USP32: variants seen among roughly 807,000 people sequenced by gnomAD.
USP32 encodes the protein ubiquitin carboxyl-terminal hydrolase 32.
In USP32, 59 loss-of-function variants were observed where a neutral mutation model predicts 204.8. That is an observed-to-expected ratio of 0.29 (90% CI 0.23 to 0.36). The LOEUF is 0.36. Ranked by LOEUF, USP32 falls within the 10% of genes least tolerant of loss-of-function variation. The pLI, the probability that USP32 is intolerant of heterozygous loss-of-function variation, is 1.00. For missense variants in USP32, 1,160 were observed against 1,946.4 expected (o/e 0.60, Z 7.60); for synonymous variants, 517 against 678.4 (o/e 0.76, Z 3.70).
intron 12 of USP32, among the ~76,000 whole-genome samples, chr17:60,230,247 T>G (rs541676254): frequency 4.3e-4 from 65 of 152,380 alleles, no homozygotes; most frequent in African/African-American, 1.5e-3. Context: ...TTTGGAATTG[T>G]ATCTTAAATG....
At chr17:60,205,086 C>A (rs1161824300) in intron 26 of USP32, among the ~76,000 whole-genome samples, 1 of 152,042 alleles carries the variant, frequency 6.6e-6, no homozygotes, top group African/African-American at 2.4e-5. Context: ...AGCCACTGCA[C>A]CCGGCCAGGA....
chr17:60,221,082 C>T (rs1358956951), intron 15 of USP32, among the ~76,000 whole-genome samples: 1 of 150,296 alleles, frequency 6.7e-6, no homozygotes, highest in African/African-American at 2.4e-5. Flanking sequence ...CAAGAGGGAG[C>T]AATAAAAATC....
At chr17:60,352,150 G>A (rs2088964889) in intron 1 of USP32, among the ~76,000 whole-genome samples, 1 of 152,170 alleles carries the variant, frequency 6.6e-6, no homozygotes. Context: ...TTAGCTAAAT[G>A]ACTATATTTT....
At chr17:60,270,965 A>G (rs1261117359) in intron 6 of USP32, among the ~76,000 whole-genome samples, 1 of 152,194 alleles carries the variant, frequency 6.6e-6, no homozygotes, top group Non-Finnish European at 1.5e-5. Context: ...GAAAAAAAGT[A>G]GAGGCACCCT....
chr17:60,419,330 G>A (rs2090086827), intron 1 of USP32, among the ~76,000 whole-genome samples: 1 of 152,166 alleles, frequency 6.6e-6, no homozygotes, highest in Non-Finnish European at 1.5e-5. Context: ...ACATGAACAC[G>A]TAGAGGGGAA....
chr17:60,193,718 G>C (rs1214340292), intron 27 of USP32, among the ~76,000 whole-genome samples: 1 of 152,174 alleles, frequency 6.6e-6, no homozygotes, highest in Admixed American at 6.5e-5. Context: ...ACTGACAGTG[G>C]TTATTACATG....
intron 1 of USP32, among the ~76,000 whole-genome samples, 174 bp downstream of exon 1, chr17:60,391,708 C>T (rs764079032): frequency 6.6e-6 from 1 of 152,110 alleles, no homozygotes; most frequent in African/African-American, 2.4e-5. Flanking sequence ...AATTCCCAAA[C>T]GCTGCTTCCC....
chr17:60,284,201 G>T (rs112054536), intron 5 of USP32, among the ~76,000 whole-genome samples: 1 of 149,400 alleles, frequency 6.7e-6, no homozygotes, highest in Non-Finnish European at 1.5e-5. Flanking sequence ...AATAATTCAA[G>T]ATTTTTTCTT....
chr17:60,199,478 T>G (rs1353986190), intron 26 of USP32, among the ~76,000 whole-genome samples: 2 of 152,134 alleles, frequency 1.3e-5, no homozygotes, highest in African/African-American at 4.8e-5. Context: ...AATGGAATGG[T>G]TGGTGGGAGT....
At chr17:60,196,433 C>T (rs2084519718) in intron 27 of USP32, among the ~76,000 whole-genome samples, 1 of 152,208 alleles carries the variant, frequency 6.6e-6, no homozygotes. Flanking sequence ...TTACTAAACA[C>T]AACATTCATT....
At chr17:60,318,247 A>G (rs2088030431) in intron 2 of USP32, among the ~76,000 whole-genome samples, 1 of 152,230 alleles carries the variant, frequency 6.6e-6, no homozygotes, top group South Asian at 2.1e-4. Context: ...AACTCAGCAT[A>G]TATAAAGATA....
At chr17:60,302,109 G>A (rs866973582) in intron 2 of USP32, among the ~76,000 whole-genome samples, 1,785 of 130,360 alleles carry the variant, frequency 0.014, 29 homozygotes, top group African/African-American at 0.043. Context: ...TAAATATTTT[G>A]TTTGTTTATT....
intron 1 of USP32, among the ~76,000 whole-genome samples, chr17:60,413,152 G>A (rs555665946): frequency 6.6e-6 from 1 of 152,298 alleles, no homozygotes; most frequent in South Asian, 2.1e-4. Flanking sequence ...AAACTATTTT[G>A]GGAGAAGCAG....
intron 9 of USP32, among the ~76,000 whole-genome samples, chr17:60,259,148 T>A (rs1488796323): frequency 2.6e-5 from 4 of 152,164 alleles, no homozygotes; most frequent in Non-Finnish European, 5.9e-5. Flanking sequence ...TTAGCTCCCT[T>A]TACACATTTT....
intron 7 of USP32, among the ~76,000 whole-genome samples, chr17:60,266,337 A>C (rs911937991): frequency 6.6e-6 from 1 of 152,188 alleles, no homozygotes; most frequent in Admixed American, 6.5e-5. Flanking sequence ...CCTTCAGCCA[A>C]ATCTAAAGCT....
intron 1 of USP32, among the ~76,000 whole-genome samples, chr17:60,359,991 C>A (rs957347679): frequency 7.2e-5 from 11 of 151,944 alleles, no homozygotes. Flanking sequence ...CCTCAGCCCC[C>A]CGAGTAGCTG....
At chr17:60,320,845 A>G (rs969622789) in intron 2 of USP32, among the ~76,000 whole-genome samples, 7 of 152,210 alleles carry the variant, frequency 4.6e-5, no homozygotes, top group Non-Finnish European at 7.3e-5. Context: ...CAAATGTCAC[A>G]TGCAGGTTCC....
At chr17:60,310,951 A>G (rs986719555) in intron 2 of USP32, among the ~76,000 whole-genome samples, 4 of 152,146 alleles carry the variant, frequency 2.6e-5, no homozygotes, top group Non-Finnish European at 5.9e-5. Context: ...AAAAAAGTAG[A>G]TCTCATGAAG....
intron 2 of USP32, among the ~76,000 whole-genome samples, chr17:60,317,832 A>G (rs986954146): frequency 8.5e-5 from 13 of 152,156 alleles, no homozygotes; most frequent in African/African-American, 3.1e-4. Context: ...CTAAAAATAC[A>G]AAATTATCTG....
Sources: gnomAD v4.1 joint callset for allele counts (sites outside exome capture counted in the v4.1 genomes callset) on GRCh38, gnomAD v4.1.1 for gene constraint, MANE v1.5 for transcripts, NCBI Gene and HGNC (gene_info 2026-07-23, HGNC 2026-07-21) for gene names.